FAM78B: variants seen among roughly 807,000 people sequenced by gnomAD.
FAM78B encodes the protein protein FAM78B.
Under a neutral mutation model 20.0 loss-of-function variants are expected in FAM78B, and 10 were observed. That is an observed-to-expected ratio of 0.50 (90% CI 0.31 to 0.85). FAM78B has a LOEUF of 0.85. FAM78B is among the 40% of genes least tolerant of loss of function. The pLI, the probability that FAM78B is intolerant of heterozygous loss-of-function variation, is 0.05. For missense variants in FAM78B, 283 were observed against 345.0 expected, an observed-to-expected ratio of 0.82 and a Z score of 1.42; for synonymous variants, 135 against 132.8, an observed-to-expected ratio of 1.02 and a Z score of -0.12.
intron 1 of FAM78B, among the ~76,000 whole-genome samples, chr1:166,116,992 C>T (rs1317079347): frequency 1.3e-5 from 2 of 152,216 alleles, no homozygotes; most frequent in Non-Finnish European, 2.9e-5. Flanking sequence ...ACCTTGACTT[C>T]TGCCTTTTAA....
chr1:166,062,548 AT>A (rs1438695077), intron 2 of FAM78B, among the ~76,000 whole-genome samples: 1 of 152,142 alleles, frequency 6.6e-6, no homozygotes, highest in African/African-American at 2.4e-5. Context: ...GACTTAGGAA[AT>A]TTTTCAGGTG....
At chr1:166,132,472 T>C in intron 1 of FAM78B, among the ~76,000 whole-genome samples, 1 of 152,080 alleles carries the variant, frequency 6.6e-6, no homozygotes, top group African/African-American at 2.4e-5. Flanking sequence ...GAGGATTAAG[T>C]GAGATGTTTG....
At chr1:166,138,901 C>T (rs1315962550) in intron 1 of FAM78B, among the ~76,000 whole-genome samples, 4 of 152,176 alleles carry the variant, frequency 2.6e-5, no homozygotes, top group African/African-American at 9.7e-5. Flanking sequence ...TTATTTATAA[C>T]CTGTGGGGCC....
chr1:166,083,433 T>C (rs569102431), intron 1 of FAM78B, among the ~76,000 whole-genome samples: 117 of 152,320 alleles, frequency 7.7e-4, no homozygotes, highest in African/African-American at 2.8e-3. Flanking sequence ...CACGTGGCCT[T>C]GGACAAATCA....
chr1:166,120,203 A>G lies in FAM78B; in HGVS notation c.263+45783T>C, dbSNP rs577138459. 9.8e-5 allele frequency among the ~76,000 whole-genome samples: 15 copies of G among 152,332 alleles called. No homozygotes were observed. The East Asian group carries it at 2.5e-3, about 25-fold the overall frequency. On this transcript the variant is annotated intron_variant, in intron 1 of 1. Coordinates refer to ENST00000354422, the MANE Select transcript of FAM78B (RefSeq NM_001017961.5). ...ATATGCCATTTCTTTAAATCCTCAC[A>G]CAGCCATAAGGTCAGCATTATTTTC...
In FAM78B at chr1:166,166,395, C is replaced by T. The variant is rs1250069283; in HGVS notation, c.-147G>A. On this transcript the variant is annotated 5_prime_UTR_variant, in exon 1 of 2. It removes an upstream start codon present in the reference 5' UTR. Coordinates refer to ENST00000354422, the MANE Select transcript of FAM78B (RefSeq NM_001017961.5). Reference sequence around the variant, plus strand: ...CACCTAGGAGCGGGGAGCCGCCGGGCATCCTTGGGGAAGCCCCCTCCTCTT... The same window carrying T: ...CACCTAGGAGCGGGGAGCCGCCGGGTATCCTTGGGGAAGCCCCCTCCTCTT... 3 of 681,316 alleles carry T rather than the reference C, an allele frequency of 4.4e-6. No homozygotes were observed. The highest frequency in any genetic ancestry group is 1.2e-4 in the Admixed American group (2 of 17,010). 42.2% of individuals were successfully genotyped at this position (681,316 alleles called of 1,614,324 possible).
chr1:166,098,273 T>A (rs1240574164), intron 1 of FAM78B, among the ~76,000 whole-genome samples: 1 of 151,908 alleles, frequency 6.6e-6, no homozygotes, highest in South Asian at 2.1e-4. Flanking sequence ...ACTACCCAAA[T>A]GAGAAGGAAT....
intron 1 of FAM78B, among the ~76,000 whole-genome samples, chr1:166,161,031 A>G (rs745769298): frequency 1.2e-4 from 19 of 152,244 alleles, no homozygotes; most frequent in Admixed American, 3.3e-4. Context: ...GAGGAAGCAC[A>G]TTTCAGATGG....
At chr1:166,131,188 C>T (rs1654864794) in intron 1 of FAM78B, among the ~76,000 whole-genome samples, 1 of 151,930 alleles carries the variant, frequency 6.6e-6, no homozygotes, top group Non-Finnish European at 1.5e-5. Flanking sequence ...GATGGGGTTT[C>T]GCCATGTTGG....
rs565074433 is a variant in FAM78B, at chr1:166,136,363, G to T, written c.263+29623C>A. On this transcript the variant is annotated intron_variant, in intron 1 of 1. Coordinates refer to ENST00000354422, the MANE Select transcript of FAM78B (RefSeq NM_001017961.5). Reference sequence around the variant, plus strand: ...CCTGGGTGATGGAAAGCCTGAGCCTGCAGGGACAGGGTGTGAGGGTTGGGG... The same window carrying T: ...CCTGGGTGATGGAAAGCCTGAGCCTTCAGGGACAGGGTGTGAGGGTTGGGG... Among the ~76,000 whole-genome samples the T allele has an allele frequency of 1.9e-3, 287 of 152,282 alleles. 1 individual carries two copies. The highest frequency in any genetic ancestry group is 6.7e-3 in the African/African-American group (280 of 41,552).
chr1:166,165,113 C>A (rs1224656824), intron 1 of FAM78B: 1 of 152,224 alleles, frequency 6.6e-6, no homozygotes, highest in Non-Finnish European at 1.5e-5. Context: ...CCGGCGCGCA[C>A]CAACCGGCGC....
chr1:166,159,383 T>C (rs982748193), intron 1 of FAM78B, among the ~76,000 whole-genome samples: 2 of 152,060 alleles, frequency 1.3e-5, no homozygotes, highest in African/African-American at 4.8e-5. Flanking sequence ...ATGACAATAG[T>C]ACCTAGTTCC....
At chr1:166,082,664 G>A (rs188963989) in intron 1 of FAM78B, 7 of 152,330 alleles carry the variant, frequency 4.6e-5, no homozygotes, top group Admixed American at 4.6e-4. Flanking sequence ...AGTACCTCCA[G>A]AAGAGCCCAG....
At chr1:166,070,901 T>C in intron 1 of FAM78B, 138 bp from the exon 2 acceptor site, 2 of 821,464 alleles carry the variant, frequency 2.4e-6, no homozygotes, top group Non-Finnish European at 3.6e-6. Context: ...GGGCAAAAAG[T>C]TCTATGCTGT....
At chr1:166,153,949 C>G (rs1446199850) in intron 1 of FAM78B, among the ~76,000 whole-genome samples, 1 of 152,184 alleles carries the variant, frequency 6.6e-6, no homozygotes, top group Admixed American at 6.5e-5. Flanking sequence ...GACACAGCAC[C>G]ATTTGATCAT....
At chr1:166,126,436 T>C (rs1654645216) in intron 1 of FAM78B, among the ~76,000 whole-genome samples, 1 of 151,986 alleles carries the variant, frequency 6.6e-6, no homozygotes, top group Non-Finnish European at 1.5e-5. Context: ...ATAGTATGGA[T>C]GAAATAGTAG....
intron 1 of FAM78B, among the ~76,000 whole-genome samples, chr1:166,155,900 G>T (rs1333067676): frequency 6.6e-6 from 1 of 152,178 alleles, no homozygotes; most frequent in African/African-American, 2.4e-5. Flanking sequence ...CCCATGCAGA[G>T]GGCAAAGCAA....
chr1:166,156,882 A>G (rs4408130), intron 1 of FAM78B, among the ~76,000 whole-genome samples: 143,341 of 152,114 alleles, frequency 0.94, 68,092 homozygotes, highest in East Asian at 1. Flanking sequence ...GCTCAGGGAT[A>G]GGACAGGAAG....
chr1:166,116,760 A>C (rs1258615407), intron 1 of FAM78B, among the ~76,000 whole-genome samples: 4 of 152,036 alleles, frequency 2.6e-5, no homozygotes. Flanking sequence ...TCCCCTTTCG[A>C]CTTATGGGAA....
Sources: allele counts gnomAD v4.1 joint callset (sites outside exome capture counted in the v4.1 genomes callset), GRCh38; gene constraint gnomAD v4.1.1; transcripts MANE v1.5; gene names NCBI Gene and HGNC (gene_info 2026-07-23, HGNC 2026-07-21).